The following LZTFL1 variants were observed in gnomAD, a reference collection of about 807,000 sequenced individuals.
LZTFL1 encodes the protein leucine zipper transcription factor like 1, also known as leucine zipper transcription factor-like protein 1.
In LZTFL1, 25 loss-of-function variants were observed where a neutral mutation model predicts 45.9. The ratio of observed to expected loss-of-function variants is 0.54; its 90% CI spans 0.40 to 0.76. LZTFL1 has a LOEUF of 0.76. Ranked by LOEUF, LZTFL1 falls within the 30% of genes least tolerant of loss-of-function variation. The pLI is 0.00. For synonymous variants in LZTFL1, 93 were observed against 117.4 expected, an observed-to-expected ratio of 0.79 and a Z score of 1.35; for missense variants, 277 against 331.1, an observed-to-expected ratio of 0.84 and a Z score of 1.27.
At chr3:45,861,554 C>T (rs775464994) in intron 2 of LZTFL1, among the ~76,000 whole-genome samples, 8 of 152,006 alleles carry the variant, frequency 5.3e-5, no homozygotes, top group African/African-American at 1.4e-4. Flanking sequence ...GTAGACCTTG[C>T]GATGATGCAT....
rs79795275 is a variant in LZTFL1, at chr3:45,853,946, T to G, written c.-49+1040A>C. ...CTGTCATTCGCTCTGCATTTTGGCTTTCTTCTCCTCCTCCCTACTGAAACA... is the reference window on the plus strand; with the variant it reads ...CTGTCATTCGCTCTGCATTTTGGCTGTCTTCTCCTCCTCCCTACTGAAACA... On this transcript the variant is annotated intron_variant, in intron 4 of 4. Transcript: ENST00000472635. 2.0e-3 allele frequency among the ~76,000 whole-genome samples: 299 copies of G among 152,302 alleles called. 2 individuals carry two copies. Among genetic ancestry groups the G allele is most frequent in the African/African-American group, 6.8e-3 (282 of 41,562 alleles).
At chr3:45,877,089 A>G (rs1043899541) in intron 2 of LZTFL1, among the ~76,000 whole-genome samples, 1 of 152,026 alleles carries the variant, frequency 6.6e-6, no homozygotes, top group South Asian at 2.1e-4. Flanking sequence ...AGGGATCCCA[A>G]CTCCTGCAGC....
At chr3:45,828,367 A>C in intron 8 of LZTFL1, 72 bp downstream of exon 8, 1 of 1,307,956 alleles carries the variant, frequency 7.6e-7, no homozygotes, top group South Asian at 1.6e-5. Flanking sequence ...TATCTTAGCC[A>C]CATGTATTCC....
intron 2 of LZTFL1, among the ~76,000 whole-genome samples, chr3:45,865,762 G>A (rs878861458): frequency 6.6e-6 from 1 of 152,196 alleles, no homozygotes; most frequent in Admixed American, 6.5e-5. Flanking sequence ...TAAACATAGA[G>A]TTATCATATG....
At chr3:45,894,776 T>C in intron 2 of LZTFL1, 1 of 691,836 alleles carries the variant, frequency 1.4e-6, no homozygotes, top group South Asian at 1.7e-5. Context: ...ATATAGACTC[T>C]AACTCCTGCT....
At chr3:45,832,108 G>A (rs1443219876) in intron 5 of LZTFL1, among the ~76,000 whole-genome samples, 1 of 151,958 alleles carries the variant, frequency 6.6e-6, no homozygotes, top group Non-Finnish European at 1.5e-5. Context: ...GGTGGCAGGC[G>A]CTACTCGGAG....
chr3:45,830,651 G>C (rs1287714527), intron 7 of LZTFL1, among the ~76,000 whole-genome samples: 1 of 151,992 alleles, frequency 6.6e-6, no homozygotes, highest in African/African-American at 2.4e-5. Flanking sequence ...AAATAAATGT[G>C]AGAATATCTT....
rs376298139 is a variant in LZTFL1, at chr3:45,830,959, A to G, written c.554T>C (p.Leu185Pro). 3 of 1,613,980 alleles carry G rather than the reference A, an allele frequency of 1.9e-6. No homozygotes were observed. The African/African-American group carries it at 4.0e-5, about 22-fold the overall frequency. Residue 185 changes from leucine to proline, a missense_variant, in exon 7 of 10, where the codon CTA (leucine) becomes CCA (proline). By Grantham distance (98) the Leu-to-Pro change is moderately conservative. Transcript: ENST00000296135. ...ATNALDEKSK[L>P]EKALQDLQLD... Reference sequence around the variant, plus strand: ...CTGTAAATCTTGCAGTGCTTTTTCTAGTTTTGACTTTTCATCCAGTGCATT... The same window carrying G: ...CTGTAAATCTTGCAGTGCTTTTTCTGGTTTTGACTTTTCATCCAGTGCATT...
At chr3:45,846,154 C>T (rs993540200), upstream of LZTFL1, among the ~76,000 whole-genome samples, 3 of 152,282 alleles carry the variant, frequency 2.0e-5, no homozygotes, top group East Asian at 1.9e-4. Context: ...CCTGGACATG[C>T]CCTCTCTTGG....
chr3:45,882,126 G>A (rs1282528732), intron 2 of LZTFL1, among the ~76,000 whole-genome samples: 1 of 152,178 alleles, frequency 6.6e-6, no homozygotes, highest in Non-Finnish European at 1.5e-5. Flanking sequence ...ACTTATATCA[G>A]GTGAATTTTT....
intron 2 of LZTFL1, among the ~76,000 whole-genome samples, chr3:45,877,581 G>A (rs192154220): frequency 1.1e-3 from 162 of 151,992 alleles, no homozygotes; most frequent in African/African-American, 3.7e-3. Flanking sequence ...ACTCTGTTTG[G>A]GAAGGCTGCT....
intron 2 of LZTFL1, among the ~76,000 whole-genome samples, chr3:45,910,910 A>G (rs1188200241): frequency 6.6e-6 from 1 of 152,156 alleles, no homozygotes; most frequent in Non-Finnish European, 1.5e-5. Flanking sequence ...CTGCAGTTAG[A>G]TATTGGCTGG....
intron 2 of LZTFL1, among the ~76,000 whole-genome samples, chr3:45,881,357 C>A (rs1701856452): frequency 6.6e-6 from 1 of 152,146 alleles, no homozygotes. Context: ...TTAAAGATAC[C>A]CAAGTCTTCC....
intron 2 of LZTFL1, among the ~76,000 whole-genome samples, chr3:45,879,626 A>G (rs1298377791): frequency 6.6e-6 from 1 of 152,314 alleles, no homozygotes; most frequent in Non-Finnish European, 1.5e-5. Flanking sequence ...TGTTCAATAC[A>G]AAGAGTGAAA....
At chr3:45,905,633 C>T (rs562804022) in intron 2 of LZTFL1, among the ~76,000 whole-genome samples, 1 of 152,360 alleles carries the variant, frequency 6.6e-6, no homozygotes, top group East Asian at 1.9e-4. Flanking sequence ...AGCCGCCCTG[C>T]CCAAGCCAGG....
chr3:45,906,079 G>A (rs894215572), intron 2 of LZTFL1, among the ~76,000 whole-genome samples: 7 of 152,096 alleles, frequency 4.6e-5, no homozygotes, highest in Non-Finnish European at 8.8e-5. Flanking sequence ...TAGAGAAGTC[G>A]TCCTGCAACA....
intron 2 of LZTFL1, among the ~76,000 whole-genome samples, chr3:45,865,390 A>T (rs1180600524): frequency 6.6e-6 from 1 of 152,270 alleles, no homozygotes; most frequent in Non-Finnish European, 1.5e-5. Flanking sequence ...TTGTTCAGTG[A>T]GTGAAACCAG....
rs3834206 is a variant in LZTFL1 at position 45,824,365 on chromosome 3, T to TAACAACAAC, written c.*1940_*1948dup. 1.3e-5 allele frequency: 2 copies of TAACAACAAC among 152,474 alleles called. No homozygotes were observed. Among genetic ancestry groups the TAACAACAAC allele is most frequent in the African/African-American group, 2.4e-5 (1 of 41,258 alleles). The allele number at this position is 152,474 out of a possible 1,614,324, so 9.4% of individuals were successfully genotyped here. ...ATTTTGCTAAAGGGTATAGAGTAAA[T>TAACAACAAC]AACAACAACAACAACAACAACAAAA... On this transcript the variant is annotated 3_prime_UTR_variant, in exon 10 of 10. Coordinates refer to ENST00000296135, the MANE Select transcript of LZTFL1 (RefSeq NM_020347.4).
chr3:45,843,436 G>C (rs1391269747), upstream of LZTFL1, among the ~76,000 whole-genome samples: 2 of 152,184 alleles, frequency 1.3e-5, no homozygotes, highest in South Asian at 4.1e-4. Context: ...GTGGGTGCGA[G>C]ATGAAGTTCA....
Sources: gnomAD v4.1 joint callset for allele counts (sites outside exome capture counted in the v4.1 genomes callset) on GRCh38, gnomAD v4.1.1 for gene constraint, MANE v1.5 for transcripts, NCBI Gene and HGNC (gene_info 2026-07-23, HGNC 2026-07-21) for gene names.